AGAP6: variants seen among roughly 807,000 people sequenced by gnomAD.
AGAP6 encodes arf-GAP with GTPase, ANK repeat and PH domain-containing protein 6.
Under a neutral mutation model 63.9 loss-of-function variants are expected in AGAP6, and 29 were observed. The observed-to-expected ratio is 0.45, with a 90% CI of 0.34 to 0.62. The LOEUF is 0.62. Among genes scored for constraint, AGAP6 ranks in the 20% least tolerant of loss-of-function variants. The pLI, the probability that AGAP6 is intolerant of heterozygous loss-of-function variation, is 0.01. For missense variants in AGAP6, 493 were observed against 884.9 expected (o/e 0.56, Z 5.62); for synonymous variants, 199 against 332.9 (o/e 0.60, Z 4.38).
chr10:49,994,071 A>G (rs1841388694), intron 3 of AGAP6, among the ~76,000 whole-genome samples: 1 of 152,114 alleles, frequency 6.6e-6, no homozygotes, highest in Admixed American at 6.5e-5. Flanking sequence ...CTAATGGATC[A>G]TGGCTCATAT....
chr10:49,992,586 A>T (rs1396479892), intron 3 of AGAP6, among the ~76,000 whole-genome samples: 1 of 152,206 alleles, frequency 6.6e-6, no homozygotes, highest in Non-Finnish European at 1.5e-5. Context: ...TGGGTAATTT[A>T]TAACAAAAAG....
intron 2 of AGAP6, among the ~76,000 whole-genome samples, chr10:49,991,384 G>GTTTTTTTTT: frequency 8.8e-6 from 1 of 114,070 alleles, no homozygotes; most frequent in Non-Finnish European, 1.7e-5. Context: ...TACCTCTTCT[G>GTTTTTTTTT]TTTTTTTTTT....
At chr10:50,007,908 A>G (rs566482616) in intron 6 of AGAP6, 117 bp from the exon 7 acceptor site, 4 of 1,587,332 alleles carry the variant, frequency 2.5e-6, no homozygotes, top group African/African-American at 1.4e-5. Flanking sequence ...AGAAGAATTC[A>G]TAAAAACTGC....
chr10:49,990,111 C>T (rs549906777), intron 2 of AGAP6, among the ~76,000 whole-genome samples: 1 of 152,150 alleles, frequency 6.6e-6, no homozygotes, highest in African/African-American at 2.4e-5. Flanking sequence ...GTCCCTTCCC[C>T]TCCTGACAAT....
chr10:49,992,476 T>A (rs1841320012), intron 3 of AGAP6, among the ~76,000 whole-genome samples: 1 of 152,236 alleles, frequency 6.6e-6, no homozygotes, highest in African/African-American at 2.4e-5. Context: ...TTGCAACCTT[T>A]GTTTTTATAG....
Position 50,009,697 on chromosome 10 carries a change from G to C in AGAP6, c.1572G>C (p.Trp524Cys), listed in dbSNP as rs576744772. Residue 524 changes from tryptophan to cysteine, a missense_variant, in exon 8 of 8, where the codon TGG becomes TGC. Coordinates refer to ENST00000412531, the MANE Select transcript of AGAP6 (RefSeq NM_001077665.3). Reference protein sequence around the residue: ...SRVRSLELDDWPVELRKVMSS... With the variant: ...SRVRSLELDDCPVELRKVMSS... ...TGCGATCTCTGGAGCTGGATGACTG[G>C]CCAGTTGAGCTCAGGAAGGTTATGT... The C allele has an allele frequency of 3.3e-5, 54 of 1,614,204 alleles. No individual in the cohort carries two copies. The highest frequency in any genetic ancestry group is 4.5e-5 in the Non-Finnish European group (53 of 1,180,040).
At position 49,991,490 on chromosome 10, in the gene AGAP6, G is replaced by C. The variant is rs574277193; in HGVS notation, c.293-186G>C. On this transcript the variant is annotated intron_variant, in intron 2 of 7. Coordinates refer to ENST00000412531, the MANE Select transcript of AGAP6 (RefSeq NM_001077665.3). ...AGTGATTTTCCCATCTCAGCCTCCT[G>C]AGTAGCTGGGACTACAAGCATGTGC... is the stretch of plus-strand genomic sequence containing the variant. 2.1e-3 allele frequency among the ~76,000 whole-genome samples: 308 copies of C among 149,450 alleles called. 4 individuals carry two copies. The South Asian group carries it at 0.022, about 10-fold the overall frequency.
At chr10:50,005,060 C>G (rs1439981092) in intron 6 of AGAP6, among the ~76,000 whole-genome samples, 2 of 152,088 alleles carry the variant, frequency 1.3e-5, no homozygotes, top group African/African-American at 4.8e-5. Flanking sequence ...CTGTCTTGTG[C>G]ATTGCAGAGA....
rs1841156978 is a variant in AGAP6, at chr10:49,989,062, T to C, written c.223+124T>C. 7 of 1,579,418 alleles carry C rather than the reference T, an allele frequency of 4.4e-6. No individual in the cohort carries two copies. The South Asian group carries it at 7.9e-5, about 18-fold the overall frequency. On this transcript the variant is annotated intron_variant, in intron 1 of 7. Coordinates refer to ENST00000412531, the MANE Select transcript of AGAP6 (RefSeq NM_001077665.3). The stretch of plus-strand genomic sequence containing the variant: ...GCTTGTAGCCAGCTTTCCCGGGGGC[T>C]GGCCAGGAACAAAAGCTGGCTCTGC...
rs1255323546 is a variant in AGAP6, at chr10:50,008,050, C to G, written c.559C>G (p.Pro187Ala). The G allele has an allele frequency of 6.2e-6, 10 of 1,611,800 alleles. No individual in the cohort carries two copies. The highest frequency in any genetic ancestry group is 1.7e-5 in the Admixed American group (1 of 59,994). The change falls in exon 7 of 8, where the codon CCT becomes GCT. Residue 187 changes from proline to alanine, a missense_variant. Physicochemically the swap from Pro to Ala is conservative, Grantham distance 27 (BLOSUM62 -1). This residue lies in a region of AGAP6 where 342 missense variants were observed against 533.4 expected (regional missense o/e 0.64). Coordinates refer to ENST00000412531, the MANE Select transcript of AGAP6 (RefSeq NM_001077665.3). Reference sequence around the variant, plus strand: ...AGATGCAGATAGAACTTTGAGCATACCTGATGAACAGTTACACTCATTTGC... The same window carrying G: ...AGATGCAGATAGAACTTTGAGCATAGCTGATGAACAGTTACACTCATTTGC... Reference protein sequence around the residue: ...QRDADRTLSIPDEQLHSFAVS... With the variant: ...QRDADRTLSIADEQLHSFAVS...
rs201001966 is a variant in AGAP6, at chr10:49,989,305, T to C, written c.224-3T>C. ...TTTTTCTTTTCTCCCTCTATACATA[T>C]AGCTTTGGAGTTTAACCTTTCTGCC... On this transcript the variant is annotated splice_polypyrimidine_tract_variant and splice_region_variant and intron_variant, in intron 1 of 7. Coordinates refer to ENST00000412531, the MANE Select transcript of AGAP6 (RefSeq NM_001077665.3). 9 of 1,597,470 alleles carry C rather than the reference T, an allele frequency of 5.6e-6. No individual in the cohort carries two copies. The highest frequency in any genetic ancestry group is 3.3e-5 in the Admixed American group (2 of 60,006).
At chr10:50,007,863 G>T (rs570632231) in intron 6 of AGAP6, among the ~76,000 whole-genome samples, 162 bp from the exon 7 acceptor site, 2 of 152,150 alleles carry the variant, frequency 1.3e-5, no homozygotes, top group Non-Finnish European at 2.9e-5. Context: ...TGAGAAAGAA[G>T]AAGTCAGGAA....
At chr10:49,999,149 A>G (rs1485162467) in intron 4 of AGAP6, among the ~76,000 whole-genome samples, 4 of 137,300 alleles carry the variant, frequency 2.9e-5, no homozygotes, top group South Asian at 2.6e-4. Context: ...GAGGCAGGAG[A>G]ATCGCTTGAA....
At chr10:49,998,133 G>C (rs1414005334) in intron 4 of AGAP6, among the ~76,000 whole-genome samples, 2 of 111,762 alleles carry the variant, frequency 1.8e-5, no homozygotes, top group Non-Finnish European at 3.5e-5. Context: ...ATAGCCCTTT[G>C]TCAGATGTAT....
At chr10:50,008,579 G>A in intron 7 of AGAP6, 132 bp from the exon 8 acceptor site, 2 of 1,247,410 alleles carry the variant, frequency 1.6e-6, no homozygotes, top group Non-Finnish European at 2.2e-6. Flanking sequence ...CCAAAGTGCT[G>A]TGATTACAGG....
At chr10:50,002,211 A>G in intron 5 of AGAP6, 115 bp downstream of exon 5, 1 of 940,736 alleles carries the variant, frequency 1.1e-6, no homozygotes, top group Non-Finnish European at 1.5e-6. Flanking sequence ...ATATATTGAT[A>G]TCCAGATTCT....
At chr10:50,001,344 T>A (rs76808373) in intron 4 of AGAP6, among the ~76,000 whole-genome samples, 134,328 of 142,470 alleles carry the variant, frequency 0.94, 63,473 homozygotes, top group Non-Finnish European at 0.98. Flanking sequence ...ATAAATAAAT[T>A]AATTAATTAA....
intron 6 of AGAP6, among the ~76,000 whole-genome samples, chr10:50,005,428 G>A (rs528617397): frequency 1.3e-4 from 20 of 152,206 alleles, no homozygotes; most frequent in African/African-American, 3.9e-4. Context: ...TGGCTAACAC[G>A]GCAAAACCCC....
At chr10:50,005,093 TAC>T (rs1311274017) in intron 6 of AGAP6, among the ~76,000 whole-genome samples, 5 of 152,228 alleles carry the variant, frequency 3.3e-5, no homozygotes, top group African/African-American at 9.6e-5. Context: ...TCATGGCCTC[TAC>T]CAACTAGATG....
Sources: allele counts gnomAD v4.1 joint callset (sites outside exome capture counted in the v4.1 genomes callset), GRCh38; gene constraint gnomAD v4.1.1; regional missense constraint gnomAD v4.1.1; transcripts MANE v1.5; gene names NCBI Gene and HGNC (gene_info 2026-07-23, HGNC 2026-07-21).